Variants in CORO7 observed in about 807,000 individuals in gnomAD.
CORO7 encodes coronin-7.
Under a neutral mutation model 126.6 loss-of-function variants are expected in CORO7, and 107 were observed. The ratio of observed to expected loss-of-function variants is 0.85; its 90% confidence interval spans 0.72 to 0.99. The LOEUF (loss-of-function observed/expected upper bound fraction) is 0.99. Among genes scored for constraint, CORO7 ranks in the 50% least tolerant of loss-of-function variants. CORO7 has a pLI of 0.00. For synonymous variants in CORO7, 603 were observed against 536.8 expected (o/e 1.12, Z -1.70); for missense variants, 1,314 against 1,255.8 (o/e 1.05, Z -0.70).
At chr16:4,412,616 C>T (rs995785124) in intron 2 of CORO7, 186 bp from the exon 3 acceptor site, 3 of 612,516 alleles carry the variant, frequency 4.9e-6, no homozygotes, top group Admixed American at 3.1e-5. Flanking sequence ...CATGCATGAG[C>T]CATCCATGCC....
chr16:4,355,239 C>A, intron 27 of CORO7, 47 bp downstream of exon 27: 1 of 1,607,452 alleles, frequency 6.2e-7, no homozygotes, highest in Non-Finnish European at 8.5e-7. Flanking sequence ...GTGGCATGTG[C>A]GAGGGACCGC....
intron 9 of CORO7, among the ~76,000 whole-genome samples, chr16:4,369,758 C>CCAAT (rs1341591276): frequency 3.9e-5 from 6 of 152,156 alleles, no homozygotes; most frequent in Non-Finnish European, 5.9e-5. Flanking sequence ...GACATTCTGC[C>CCAAT]ATTGCGCCAG....
At chr16:4,364,507 C>T in intron 13 of CORO7, 90 bp downstream of exon 13, 1 of 1,488,548 alleles carries the variant, frequency 6.7e-7, no homozygotes, top group Non-Finnish European at 9.0e-7. Flanking sequence ...ATGGGGGGCA[C>T]CCAGCAGGCC....
At chr16:4,372,885 AC>A (rs1187025528) in intron 9 of CORO7, among the ~76,000 whole-genome samples, 2 of 152,124 alleles carry the variant, frequency 1.3e-5, no homozygotes, top group Admixed American at 6.5e-5. Context: ...TGCCTTTTGC[AC>A]CAAGGACAGG....
chr16:4,360,658 T>G lies in CORO7; in HGVS notation c.1918-110A>C, dbSNP rs1026115475. On this transcript the variant is annotated intron_variant, in intron 19 of 27. Transcript: ENST00000251166. ...TGGCGCCGCCCCTCCTCACTGCTGTTCCCGCCTCTCCTCACTGCTGGTCTT... is the reference window on the plus strand; with the variant it reads ...TGGCGCCGCCCCTCCTCACTGCTGTGCCCGCCTCTCCTCACTGCTGGTCTT... The G allele has an allele frequency of 6.0e-6, 8 of 1,342,244 alleles. No individual in the cohort carries two copies. In the East Asian group the frequency reaches 1.5e-4, roughly 26 times the overall value. 83.1% of individuals were successfully genotyped at this position (1,342,244 alleles called of 1,614,324 possible). A position where few individuals can be genotyped will look rare whatever the true frequency, so the allele number is the denominator to read the frequency against.
At chr16:4,400,326 C>T (rs557721832) in intron 6 of CORO7, among the ~76,000 whole-genome samples, 11 of 151,952 alleles carry the variant, frequency 7.2e-5, no homozygotes, top group Non-Finnish European at 1.5e-4. Flanking sequence ...AGGTGAAACC[C>T]CATCTCTAAA....
At chr16:4,406,201 T>TGTTG (rs1334646864) in intron 5 of CORO7, among the ~76,000 whole-genome samples, 1 of 152,172 alleles carries the variant, frequency 6.6e-6, no homozygotes, top group Non-Finnish European at 1.5e-5. Flanking sequence ...AATTTCACCA[T>TGTTG]GTTGGCCAGG....
intron 9 of CORO7, among the ~76,000 whole-genome samples, chr16:4,370,767 G>A (rs2054495214): frequency 1.3e-5 from 2 of 152,096 alleles, no homozygotes; most frequent in Non-Finnish European, 1.5e-5. Flanking sequence ...CCAGAGACTA[G>A]GAAACCCTCC....
chr16:4,408,370 A>G, intron 3 of CORO7, 119 bp from the exon 4 acceptor site: 1 of 1,413,256 alleles, frequency 7.1e-7, no homozygotes, highest in Non-Finnish European at 9.8e-7. Context: ...CTACAAGTCT[A>G]CAAGGGCCCT....
intron 6 of CORO7, 169 bp downstream of exon 6, chr16:4,405,322 G>T: frequency 1.6e-6 from 1 of 630,786 alleles, no homozygotes; most frequent in Non-Finnish European, 2.5e-6. Context: ...TCCAGATGTA[G>T]GTGAGCGGGG....
intron 3 of CORO7, among the ~76,000 whole-genome samples, chr16:4,408,738 A>G (rs76968381): frequency 2.4e-3 from 371 of 152,350 alleles, no homozygotes; most frequent in African/African-American, 8.5e-3. Context: ...CAAGGTGGGC[A>G]GATCACTTGG....
chr16:4,372,170 C>G (rs929345133), intron 9 of CORO7, among the ~76,000 whole-genome samples: 1 of 152,024 alleles, frequency 6.6e-6, no homozygotes, highest in African/African-American at 2.4e-5. Context: ...GCTCCCTCCC[C>G]CGCCGTCCTG....
intron 6 of CORO7, among the ~76,000 whole-genome samples, chr16:4,404,598 G>A (rs2055927864): frequency 6.6e-6 from 1 of 152,160 alleles, no homozygotes; most frequent in Admixed American, 6.5e-5. Flanking sequence ...CCCTGGAGCG[G>A]CTCTGCCTAG....
At position 4,361,180 on chromosome 16, in the gene CORO7, G is replaced by C; in HGVS notation, c.1756C>G (p.Pro586Ala). ...AEGLEEVLTT[P>A]ETVLTGHTEK... ...GCCTGACCTGTGAGCACAGTCTCTGGCGTGGTGAGCACCTCTTCCAGGCCC... is the reference window on the plus strand; with the variant it reads ...GCCTGACCTGTGAGCACAGTCTCTGCCGTGGTGAGCACCTCTTCCAGGCCC... The change falls in exon 18 of 28, where the codon CCA becomes GCA. Residue 586 changes from proline to alanine, a missense_variant. Transcript: ENST00000251166. 6.2e-7 allele frequency: 1 copy of C among 1,612,806 alleles called. No homozygotes were observed. The highest frequency in any genetic ancestry group is 2.2e-5 in the East Asian group (1 of 44,884).
Position 4,383,822 on chromosome 16 carries a change from CAT to C in CORO7, c.785+4162_785+4163del, listed in dbSNP as rs1165298551. Among the ~76,000 whole-genome samples the C allele has an allele frequency of 9.2e-5, 14 of 152,332 alleles. No homozygotes were observed. In the South Asian group the frequency reaches 2.7e-3, roughly 29 times the overall value. Reference sequence around the variant, plus strand: ...GTGCGGCTGGGAGAGGCTTGTGGCACATGTGGGGCCAGGTGAGTCCCTTGTGG... The same window carrying C: ...GTGCGGCTGGGAGAGGCTTGTGGCACGTGGGGCCAGGTGAGTCCCTTGTGG... On this transcript the variant is annotated intron_variant, in intron 9 of 27. Coordinates refer to ENST00000251166, the MANE Select transcript of CORO7 (RefSeq NM_024535.5).
chr16:4,358,146 G>A (rs774661118), intron 24 of CORO7, 43 bp from the exon 25 acceptor site: 2 of 1,589,646 alleles, frequency 1.3e-6, no homozygotes, highest in African/African-American at 1.3e-5. Flanking sequence ...TTGACCAGGT[G>A]CCCAGGGCAC....
chr16:4,368,715 T>A (rs1055512263), intron 9 of CORO7, among the ~76,000 whole-genome samples: 1 of 142,286 alleles, frequency 7.0e-6, no homozygotes, highest in Non-Finnish European at 1.5e-5. Context: ...ACCACTGCAT[T>A]CCAGCCTTGG....
chr16:4,402,099 T>C (rs569821472), intron 6 of CORO7, among the ~76,000 whole-genome samples: 40 of 152,064 alleles, frequency 2.6e-4, no homozygotes, highest in Admixed American at 7.2e-4. Context: ...CCAACATGCC[T>C]GGCTAATTTT....
intron 25 of CORO7, chr16:4,357,672 A>G (rs1017685056): frequency 9.2e-6 from 4 of 432,470 alleles, no homozygotes; most frequent in South Asian, 4.0e-5. Context: ...GGGGATTTCT[A>G]TGGCGCAGAT....
Sources: allele counts gnomAD v4.1 joint callset (sites outside exome capture counted in the v4.1 genomes callset), GRCh38; gene constraint gnomAD v4.1.1; transcripts MANE v1.5; gene names NCBI Gene and HGNC (gene_info 2026-07-23, HGNC 2026-07-21).